NUDT12: variants seen among roughly 807,000 people sequenced by gnomAD.
NUDT12 encodes NAD-capped RNA hydrolase NUDT12.
Under a neutral mutation model 45.7 loss-of-function variants are expected in NUDT12, and 42 were observed. The observed-to-expected ratio is 0.92, with a 90% CI of 0.72 to 1.19. NUDT12 has a LOEUF of 1.19. Ranked by LOEUF, NUDT12 falls within the 50% of genes most tolerant of loss-of-function variation. The pLI is 0.00. For synonymous variants in NUDT12, 206 were observed against 179.7 expected, an observed-to-expected ratio of 1.15 and a Z score of -1.17; for missense variants, 590 against 533.1, an observed-to-expected ratio of 1.11 and a Z score of -1.05.
At position 103,556,093 on chromosome 5, in the gene NUDT12, C is replaced by T. The variant is rs1182709991; in HGVS notation, c.802G>A (p.Val268Ile). The T allele has an allele frequency of 1.3e-6, 2 of 1,564,490 alleles. No individual in the cohort carries two copies. The highest frequency in any genetic ancestry group is 2.1e-5 in the Admixed American group (1 of 48,418). The change falls in exon 4 of 7, where the codon GTA becomes ATA. Residue 268 changes from valine (V) to isoleucine (I), a missense_variant. Coordinates refer to ENST00000230792, the MANE Select transcript of NUDT12 (RefSeq NM_031438.4). ...LQLKEKEAGVVAQARSVLAWH... is the reference protein window; with the variant it reads ...LQLKEKEAGVIAQARSVLAWH... ...GCAAGAACAGATCTTGCTTGAGCTA[C>T]AACCCCTTCAAAAAAAAGAAAAGCA...
chr5:103,552,382 T>C lies in NUDT12; in HGVS notation c.1113A>G (p.Val371=), dbSNP rs772314065. The stretch of plus-strand genomic sequence containing the variant: ...CAACTTTGACTCCACTTTCCTCTTC[T>C]ACTTCTCTCCTAACAGCATCTTCTA... ...ETIEDAVRRE[V]EEESGVKVGH... The change falls in exon 6 of 7, where the codon GTA becomes GTG. Residue 371 remains valine, a synonymous_variant. Transcript: ENST00000230792. 6.2e-7 allele frequency: 1 copy of C among 1,613,904 alleles called. No individual in the cohort carries two copies. The highest frequency in any genetic ancestry group is 8.5e-7 in the Non-Finnish European group (1 of 1,179,892).
intron 3 of NUDT12, among the ~76,000 whole-genome samples, chr5:103,557,457 A>T (rs1044246079): frequency 6.6e-6 from 1 of 151,532 alleles, no homozygotes; most frequent in African/African-American, 2.4e-5. Context: ...CTGACAAGTG[A>T]CCTATTCCTA....
In NUDT12 at chr5:103,555,784, A is replaced by G. The variant is rs576445568; in HGVS notation, c.964+147T>C. Reference sequence around the variant, plus strand: ...CCATGTTTTTTACTTAAAAATCATGAAAGTGTGTAACACTTTAACACATTC... The same window carrying G: ...CCATGTTTTTTACTTAAAAATCATGGAAGTGTGTAACACTTTAACACATTC... On this transcript the variant is annotated intron_variant, in intron 4 of 6. Coordinates refer to ENST00000230792, the MANE Select transcript of NUDT12 (RefSeq NM_031438.4). 1.3e-3 allele frequency: 596 copies of G among 474,600 alleles called. 3 individuals are homozygous for G. The highest frequency in any genetic ancestry group is 9.1e-5 in the Non-Finnish European group (26 of 285,772). The allele number at this position is 474,600 out of a possible 1,614,324, so 29.4% of individuals were successfully genotyped here.
rs1562618602 is a variant in NUDT12 at position 103,555,919 on chromosome 5, T to G, written c.964+12A>C. On this transcript the variant is annotated intron_variant, in intron 4 of 6. Coordinates refer to ENST00000230792, the MANE Select transcript of NUDT12 (RefSeq NM_031438.4). ...AGATCCAGGTGGCTGAGATATAAAA[T>G]AAAGGGCTTACCAACTCTTGGGTAT... 1.3e-6 allele frequency: 2 copies of G among 1,508,312 alleles called. No homozygotes were observed. The highest frequency in any genetic ancestry group is 1.8e-6 in the Non-Finnish European group (2 of 1,127,206). The allele number at this position is 1,508,312 out of a possible 1,614,324, so 93.4% of individuals were successfully genotyped here. A position where few individuals can be genotyped will look rare whatever the true frequency, so the allele number is the denominator to read the frequency against.
chr5:103,556,084 C>A lies in NUDT12; in HGVS notation c.811G>T (p.Ala271Ser), dbSNP rs750931868. ...CTGTGCCAGGCAAGAACAGATCTTG[C>A]TTGAGCTACAACCCCTTCAAAAAAA... ...KEKEAGVVAQ[A>S]RSVLAWHSRY... is the part of the protein sequence containing the mutation. Residue 271 changes from alanine to serine, a missense_variant, in exon 4 of 7, where the codon GCA (alanine) becomes TCA (serine). Ala to Ser is a moderately conservative substitution (Grantham distance 99). Coordinates refer to ENST00000230792, the MANE Select transcript of NUDT12 (RefSeq NM_031438.4). The A allele has an allele frequency of 2.5e-6, 4 of 1,603,334 alleles. No homozygotes were observed. The highest frequency in any genetic ancestry group is 3.4e-6 in the Non-Finnish European group (4 of 1,175,392).
In NUDT12 at chr5:103,552,626, CTT is replaced by C. The variant is rs1014480156; in HGVS notation, c.1079-212_1079-211del. On this transcript the variant is annotated intron_variant, in intron 5 of 6. Transcript: ENST00000230792. ...AGAATATCAAAATGCCAACAATAAA[CTT>C]TTCGTTTTTTTAAGGTACAAATTTG... Among the ~76,000 whole-genome samples the C allele has an allele frequency of 2.2e-4, 33 of 152,036 alleles. 1 individual carries two copies. Among genetic ancestry groups the C allele is most frequent in the African/African-American group, 8.0e-4 (33 of 41,384 alleles).
In NUDT12 at chr5:103,550,773, T is replaced by G; in HGVS notation, c.*88A>C. The G allele has an allele frequency of 1.1e-6, 1 of 884,268 alleles. No individual in the cohort carries two copies. Among genetic ancestry groups the G allele is most frequent in the Non-Finnish European group, 1.8e-6 (1 of 552,594 alleles). 54.8% of individuals were successfully genotyped at this position (884,268 alleles called of 1,614,324 possible). On this transcript the variant is annotated 3_prime_UTR_variant, in exon 7 of 7. Coordinates refer to ENST00000230792, the MANE Select transcript of NUDT12 (RefSeq NM_031438.4). ...CATCGTATTTTGTGTTGTGACACTC[T>G]CAAGAGTACTGAATAATCTCTAATA...
In NUDT12 at chr5:103,562,683, T is replaced by TCCCCACTGCTTCTACTAACC. The variant is rs375535122; in HGVS notation, c.-7_-7+19dup. On this transcript the variant is annotated intron_variant, in intron 1 of 6. Transcript: ENST00000230792. Reference sequence around the variant, plus strand: ...CAGAGGAGGCAATGAGACGACTAACTCCCCACTGCTTCTACTAACCCAAAG... The same window carrying TCCCCACTGCTTCTACTAACC: ...CAGAGGAGGCAATGAGACGACTAACTCCCCACTGCTTCTACTAACCCCCCACTGCTTCTACTAACCCAAAG... 1.7e-4 allele frequency: 26 copies of TCCCCACTGCTTCTACTAACC among 152,188 alleles called. No individual in the cohort carries two copies. Among genetic ancestry groups the TCCCCACTGCTTCTACTAACC allele is most frequent in the African/African-American group, 6.0e-4 (25 of 41,396 alleles). The allele number at this position is 152,188 out of a possible 1,614,324, so 9.4% of individuals were successfully genotyped here. A position where few individuals can be genotyped will look rare whatever the true frequency, so the allele number is the denominator to read the frequency against.
At chr5:103,560,014 T>C in intron 2 of NUDT12, 29 bp downstream of exon 2, 3 of 1,504,628 alleles carry the variant, frequency 2.0e-6, no homozygotes, top group African/African-American at 1.4e-5. Flanking sequence ...CCACAAACCC[T>C]TTCAGGTGGT....
chr5:103,554,889 G>A, intron 4 of NUDT12, 36 bp from the exon 5 acceptor site: 1 of 832,674 alleles, frequency 1.2e-6, no homozygotes, highest in Non-Finnish European at 1.9e-6. Flanking sequence ...TGAATGGCAG[G>A]AAAAACGAAT....
intron 1 of NUDT12, among the ~76,000 whole-genome samples, chr5:103,561,562 C>T (rs1051959097): frequency 1.3e-5 from 2 of 152,188 alleles, no homozygotes; most frequent in Non-Finnish European, 2.9e-5. Context: ...ATTTACTTCG[C>T]TGTTCCTTTC....
intron 4 of NUDT12, among the ~76,000 whole-genome samples, 176 bp downstream of exon 4, chr5:103,555,755 T>C (rs1748794185): frequency 6.6e-6 from 1 of 152,038 alleles, no homozygotes; most frequent in Non-Finnish European, 1.5e-5. Context: ...TGGCTATTGA[T>C]GTACCATGTT....
intron 1 of NUDT12, among the ~76,000 whole-genome samples, chr5:103,560,668 A>G (rs1398083437): frequency 2.0e-5 from 3 of 152,216 alleles, no homozygotes; most frequent in African/African-American, 7.2e-5. Context: ...ACAGGAAAAC[A>G]GTTTATTGTT....
At chr5:103,551,049 C>A in intron 6 of NUDT12, 78 bp from the exon 7 acceptor site, 1 of 990,250 alleles carries the variant, frequency 1.0e-6, no homozygotes, top group Non-Finnish European at 1.6e-6. Flanking sequence ...TTACATAATT[C>A]AATTAAAATG....
At position 103,549,216 on chromosome 5, in the gene NUDT12, TAATC is replaced by T. The variant is rs1274674682; in HGVS notation, c.*1641_*1644del. 7.2e-5 allele frequency: 11 copies of T among 152,220 alleles called. No homozygotes were observed. The highest frequency in any genetic ancestry group is 2.0e-4 in the Admixed American group (3 of 15,294). 9.4% of individuals were successfully genotyped at this position (152,220 alleles called of 1,614,324 possible). On this transcript the variant is annotated 3_prime_UTR_variant, in exon 7 of 7. Coordinates refer to ENST00000230792, the MANE Select transcript of NUDT12 (RefSeq NM_031438.4). ...AATTTCAAGATGCTCTATTTCATAA[TAATC>T]AAGGTACATTATTTTCCATATACTT...
rs1032754581 is a variant in NUDT12 at position 103,553,282 on chromosome 5, T to C, written c.1079-866A>G. 2.6e-5 allele frequency among the ~76,000 whole-genome samples: 4 copies of C among 151,998 alleles called. No individual in the cohort carries two copies. In the East Asian group the frequency reaches 7.7e-4, roughly 29 times the overall value. On this transcript the variant is annotated intron_variant, in intron 5 of 6. Transcript: ENST00000230792. ...GCATATGCTACATATTTAAGAATTC[T>C]TAAAATGAATAAAAAAGGATAAACA...
chr5:103,562,378 CTT>C (rs1046809747), intron 1 of NUDT12, among the ~76,000 whole-genome samples: 13 of 152,098 alleles, frequency 8.5e-5, no homozygotes, highest in African/African-American at 3.1e-4. Context: ...GGTAAAATGC[CTT>C]AAGATATTTT....
chr5:103,560,556 G>A lies in NUDT12; in HGVS notation c.-6-302C>T, dbSNP rs575007565. 4.1e-5 allele frequency among the ~76,000 whole-genome samples: 6 copies of A among 147,116 alleles called. No homozygotes were observed. In the East Asian group the frequency reaches 1.2e-3, roughly 30 times the overall value. On this transcript the variant is annotated intron_variant, in intron 1 of 6. Transcript: ENST00000230792. ...ACCAGGTAACATATTACATAAGGAGGAGGTATTTAGGGTAGACCAGAGGGG... is the reference window on the plus strand; with the variant it reads ...ACCAGGTAACATATTACATAAGGAGAAGGTATTTAGGGTAGACCAGAGGGG...
rs1441040831 is a variant in NUDT12, at chr5:103,559,463, T to C, written c.212A>G (p.Asp71Gly). Residue 71 changes from aspartate to glycine, a missense_variant, in exon 3 of 7, where the codon GAC becomes GGC. By Grantham distance (94) the Asp-to-Gly change is moderately conservative. Transcript: ENST00000230792. ...CCTTGATTTATTGACAATTGATCTGTCACACCTATAGATGGAAGAAAAAAT... is the reference window on the plus strand; with the variant it reads ...CCTTGATTTATTGACAATTGATCTGCCACACCTATAGATGGAAGAAAAAAT... ...IVQFLLEKGC[D>G]RSIVNKSRQT... 6.7e-7 allele frequency: 1 copy of C among 1,487,144 alleles called. No homozygotes were observed. Among genetic ancestry groups the C allele is most frequent in the African/African-American group, 1.4e-5 (1 of 69,704 alleles). 92.1% of individuals were successfully genotyped at this position (1,487,144 alleles called of 1,614,324 possible). A position where few individuals can be genotyped will look rare whatever the true frequency, so the allele number is the denominator to read the frequency against.
Sources: gnomAD v4.1 joint callset for allele counts (sites outside exome capture counted in the v4.1 genomes callset) on GRCh38, gnomAD v4.1.1 for gene constraint, MANE v1.5 for transcripts, NCBI Gene and HGNC (gene_info 2026-07-23, HGNC 2026-07-21) for gene names.